The following NELL1 variants were observed in gnomAD, a reference collection of about 807,000 sequenced individuals.
NELL1 encodes neural EGFL like 1.
In NELL1, 76 loss-of-function variants were observed where a neutral mutation model predicts 107.4. The observed-to-expected ratio is 0.71, with a 90% CI of 0.59 to 0.86. The LOEUF is 0.86. Ranked by LOEUF, NELL1 falls within the 40% of genes least tolerant of loss-of-function variation. The pLI is 0.00. For missense variants in NELL1, 1,024 were observed against 1,005.5 expected (o/e 1.02, Z -0.25); for synonymous variants, 353 against 341.2 (o/e 1.03, Z -0.38).
At chr11:21,098,814 C>T (rs1318821575) in intron 12 of NELL1, among the ~76,000 whole-genome samples, 1 of 152,184 alleles carries the variant, frequency 6.6e-6, no homozygotes, top group African/African-American at 2.4e-5. Flanking sequence ...CTACCCTTCT[C>T]TCTCTCTCTG....
At position 21,522,129 on chromosome 11, in the gene NELL1, G is replaced by T. The variant is rs533012735; in HGVS notation, c.1646-12245G>T. 3.9e-5 allele frequency among the ~76,000 whole-genome samples: 6 copies of T among 152,122 alleles called. No individual in the cohort carries two copies. In the East Asian group the frequency reaches 1.2e-3, roughly 29 times the overall value. On this transcript the variant is annotated intron_variant, in intron 15 of 19. Coordinates refer to ENST00000357134, the MANE Select transcript of NELL1 (RefSeq NM_006157.5). ...CCTGCCTGTAGTCCCAGCTGCTGGG[G>T]AGGCTGAGGCAGGAGAATGGCATGA...
At chr11:20,999,696 T>G (rs1006722825) in intron 12 of NELL1, among the ~76,000 whole-genome samples, 4 of 149,674 alleles carry the variant, frequency 2.7e-5, no homozygotes, top group African/African-American at 1.0e-4. Flanking sequence ...AAAAAGTTCA[T>G]TATATAAAAC....
chr11:20,818,518 A>G (rs1190224529), intron 3 of NELL1, among the ~76,000 whole-genome samples: 1 of 152,064 alleles, frequency 6.6e-6, no homozygotes, highest in East Asian at 1.9e-4. Flanking sequence ...CACAATGCAA[A>G]ACAAAATTTG....
At chr11:21,264,380 G>C (rs1368274085) in intron 14 of NELL1, among the ~76,000 whole-genome samples, 1 of 151,812 alleles carries the variant, frequency 6.6e-6, no homozygotes, top group African/African-American at 2.4e-5. Flanking sequence ...CACAAGCCTT[G>C]AATATGGTGC....
intron 13 of NELL1, among the ~76,000 whole-genome samples, chr11:21,158,823 CCTTT>C (rs1205382251): frequency 2.6e-5 from 4 of 151,972 alleles, no homozygotes; most frequent in East Asian, 3.9e-4. Flanking sequence ...TAAAATCTTA[CCTTT>C]CTGTTATTTT....
chr11:21,431,039 C>T (rs1029700662), intron 15 of NELL1, among the ~76,000 whole-genome samples: 2 of 152,092 alleles, frequency 1.3e-5, no homozygotes, highest in African/African-American at 4.8e-5. Flanking sequence ...ATTCAAAACA[C>T]GTCTAACCTA....
intron 2 of NELL1, among the ~76,000 whole-genome samples, chr11:20,748,038 G>A (rs915347173): frequency 1.3e-5 from 2 of 152,160 alleles, no homozygotes; most frequent in African/African-American, 4.8e-5. Flanking sequence ...CTAAAGAGGG[G>A]TGAGCTTCTA....
intron 13 of NELL1, among the ~76,000 whole-genome samples, chr11:21,161,398 G>A (rs1856365768): frequency 1.3e-5 from 2 of 152,118 alleles, no homozygotes; most frequent in African/African-American, 4.8e-5. Context: ...TTAGCTGGGT[G>A]TAGTGGCGCA....
intron 10 of NELL1, among the ~76,000 whole-genome samples, chr11:20,938,940 C>CTCTCTCTCTCTG (rs1216133538): frequency 3.0e-4 from 17 of 57,296 alleles, no homozygotes; most frequent in Non-Finnish European, 5.1e-4. Context: ...CTCTCTCTCT[C>CTCTCTCTCTCTG]TGTGTGTGTG....
chr11:21,488,509 T>G (rs941694485), intron 15 of NELL1, among the ~76,000 whole-genome samples: 7 of 152,090 alleles, frequency 4.6e-5, no homozygotes, highest in African/African-American at 1.7e-4. Flanking sequence ...GTATGGTTAC[T>G]AGTGGAGGCT....
chr11:21,035,085 A>G (rs554657799), intron 12 of NELL1, among the ~76,000 whole-genome samples: 13 of 151,984 alleles, frequency 8.6e-5, no homozygotes, highest in Non-Finnish European at 1.8e-4. Context: ...ACTACAAACA[A>G]CCATTAGAGG....
At chr11:20,749,154 T>C (rs901382390) in intron 2 of NELL1, among the ~76,000 whole-genome samples, 39 of 150,242 alleles carry the variant, frequency 2.6e-4, no homozygotes, top group Non-Finnish European at 3.8e-4. Context: ...TGATAATTCT[T>C]TGTACAGTTA....
rs7101805 is a variant in NELL1, at chr11:20,748,251, C to G, written c.185-35429C>G. Among the ~76,000 whole-genome samples the G allele has an allele frequency of 7.8e-3, 1,186 of 152,230 alleles. 11 individuals carry two copies. Among genetic ancestry groups the G allele is most frequent in the African/African-American group, 0.027 (1,135 of 41,532 alleles). ...TTTCTGTCTACATGTCCAGCAGTGT[C>G]TTACCACTCACCTCCCTGCTTCCTG... On this transcript the variant is annotated intron_variant, in intron 2 of 19. Transcript: ENST00000357134.
chr11:21,299,307 T>C (rs1317698340), intron 14 of NELL1, among the ~76,000 whole-genome samples: 1 of 151,974 alleles, frequency 6.6e-6, no homozygotes, highest in Non-Finnish European at 1.5e-5. Context: ...TTGATGAGAA[T>C]GCAGACATCG....
intron 15 of NELL1, among the ~76,000 whole-genome samples, chr11:21,484,316 T>C (rs1854573245): frequency 6.6e-6 from 1 of 151,790 alleles, no homozygotes; most frequent in African/African-American, 2.4e-5. Context: ...CACCACCATT[T>C]TGGTGACCGT....
At chr11:20,916,671 C>A (rs1322160671) in intron 5 of NELL1, among the ~76,000 whole-genome samples, 1 of 151,804 alleles carries the variant, frequency 6.6e-6, no homozygotes, top group African/African-American at 2.4e-5. Context: ...TCTGTTTTAG[C>A]GCTGAATTTT....
chr11:20,977,520 T>TGA (rs1755056746), intron 12 of NELL1, among the ~76,000 whole-genome samples: 4 of 152,156 alleles, frequency 2.6e-5, no homozygotes, highest in Non-Finnish European at 5.9e-5. Context: ...CTCCTGGGCC[T>TGA]CCCAAAATGC....
intron 4 of NELL1, among the ~76,000 whole-genome samples, chr11:20,851,459 G>GT (rs1332040035): frequency 1.3e-5 from 2 of 152,096 alleles, no homozygotes; most frequent in Admixed American, 6.6e-5. Flanking sequence ...ATTGCCTTGG[G>GT]TTTTTCTCCG....
At chr11:20,708,800 A>G (rs571451810) in intron 2 of NELL1, among the ~76,000 whole-genome samples, 1 of 152,216 alleles carries the variant, frequency 6.6e-6, no homozygotes, top group African/African-American at 2.4e-5. Flanking sequence ...TGTCTAAGCG[A>G]ATGTCTGGAA....
Sources: allele counts gnomAD v4.1 joint callset (sites outside exome capture counted in the v4.1 genomes callset), GRCh38; gene constraint gnomAD v4.1.1; transcripts MANE v1.5; gene names NCBI Gene and HGNC (gene_info 2026-07-23, HGNC 2026-07-21).